Variants in UBE2W observed in about 807,000 individuals in gnomAD.
UBE2W encodes ubiquitin conjugating enzyme E2 W, also known as ubiquitin-conjugating enzyme E2 W.
Under a neutral mutation model 27.2 loss-of-function variants are expected in UBE2W, and 18 were observed. That is an observed-to-expected ratio of 0.66 (90% CI 0.46 to 0.98). UBE2W has a LOEUF of 0.98. UBE2W is among the 50% of genes least tolerant of loss of function. The probability of loss-of-function intolerance (pLI) is 0.00; values close to 1 mark genes in which losing one functional copy is unlikely to be tolerated. For synonymous variants in UBE2W, 53 were observed against 57.2 expected (o/e 0.93, Z 0.33); for missense variants, 90 against 180.2 (o/e 0.50, Z 2.87).
chr8:73,801,502 T>C (rs1808642657), intron 5 of UBE2W, among the ~76,000 whole-genome samples: 1 of 152,224 alleles, frequency 6.6e-6, no homozygotes, highest in African/African-American at 2.4e-5. Context: ...AAAAGAAGAA[T>C]CTTTCAATTA....
intron 4 of UBE2W, among the ~76,000 whole-genome samples, chr8:73,809,433 C>T (rs1353994771): frequency 6.6e-6 from 1 of 151,982 alleles, no homozygotes; most frequent in Non-Finnish European, 1.5e-5. Context: ...GGAAAACCCT[C>T]ATAGGGATTT....
intron 3 of UBE2W, among the ~76,000 whole-genome samples, chr8:73,811,358 CTAA>C (rs1343812072): frequency 6.6e-6 from 1 of 152,048 alleles, no homozygotes; most frequent in Non-Finnish European, 1.5e-5. Flanking sequence ...TTCCTTTGCT[CTAA>C]TAATTCAACA....
At chr8:73,870,369 G>C in intron 1 of UBE2W, 1 of 1,442,744 alleles carries the variant, frequency 6.9e-7, no homozygotes, top group Non-Finnish European at 9.4e-7. Context: ...TCCATTGATA[G>C]CTAGTGCAGG....
In UBE2W at chr8:73,821,554, T is replaced by TGGG. The variant is rs1458421316; in HGVS notation, c.210+3592_210+3593insCCC. On this transcript the variant is annotated intron_variant, in intron 3 of 5. Coordinates refer to ENST00000602593, the MANE Select transcript of UBE2W (RefSeq NM_018299.6). ...GTGGAGTGGGGTGTGGGAGTGTGTGTGTGGGGGGGGGGGGATGTGTGTGCA... is the reference window on the plus strand; with the variant it reads ...GTGGAGTGGGGTGTGGGAGTGTGTGTGGGGTGGGGGGGGGGGGATGTGTGTGCA... Among the ~76,000 whole-genome samples the TGGG allele has an allele frequency of 2.2e-3, 3 of 1,366 alleles. No individual in the cohort carries two copies. In the East Asian group the frequency reaches 0.071, roughly 33 times the overall value. The allele number at this position is 1,366 out of a possible 152,430, so 0.9% of individuals were successfully genotyped here.
intron 1 of UBE2W, among the ~76,000 whole-genome samples, chr8:73,837,468 G>A (rs545700164): frequency 2.0e-5 from 3 of 152,122 alleles, no homozygotes; most frequent in South Asian, 2.1e-4. Flanking sequence ...AGCCAAGATC[G>A]TGCCACTGCA....
chr8:73,785,290 C>A (rs190446179), downstream of UBE2W, among the ~76,000 whole-genome samples: 73 of 152,100 alleles, frequency 4.8e-4, 1 homozygote, highest in East Asian at 0.014. Context: ...GGATTACAGG[C>A]ATGTGCCACC....
intron 4 of UBE2W, among the ~76,000 whole-genome samples, chr8:73,780,751 T>C (rs1222829452): frequency 6.6e-6 from 1 of 151,846 alleles, no homozygotes; most frequent in East Asian, 2.0e-4. Flanking sequence ...CTCGAACTCC[T>C]GGACTCAAGA....
At chr8:73,821,842 A>C (rs1270695036) in intron 3 of UBE2W, among the ~76,000 whole-genome samples, 3 of 152,104 alleles carry the variant, frequency 2.0e-5, no homozygotes, top group Non-Finnish European at 2.9e-5. Flanking sequence ...CTCTACAAAA[A>C]ATATAAAAAT....
chr8:73,810,548 C>G lies in UBE2W; in HGVS notation c.292G>C (p.Asp98His), dbSNP rs1195606816. The G allele has an allele frequency of 6.2e-7, 1 of 1,613,018 alleles. No homozygotes were observed. Among genetic ancestry groups the G allele is most frequent in the Non-Finnish European group, 8.5e-7 (1 of 1,179,526 alleles). The change falls in exon 4 of 6, where the codon GAC becomes CAC. Residue 98 changes from aspartate to histidine, a missense_variant. Coordinates refer to ENST00000602593, the MANE Select transcript of UBE2W (RefSeq NM_018299.6). ...TGGACTGAGAGCGCTGGGGACCAGT[C>G]TTCTGTTAGAATGGATAAACAGATA... The part of the protein sequence containing the change: ...GHICLSILTE[D>H]WSPALSVQSV...
At chr8:73,827,291 G>A (rs1809883083) in intron 2 of UBE2W, among the ~76,000 whole-genome samples, 1 of 152,002 alleles carries the variant, frequency 6.6e-6, no homozygotes. Flanking sequence ...TCGGCTCACC[G>A]CAACCTCCGC....
At chr8:73,870,821 T>G (rs1319068776) in intron 1 of UBE2W, among the ~76,000 whole-genome samples, 37 of 69,748 alleles carry the variant, frequency 5.3e-4, no homozygotes, top group African/African-American at 7.5e-4. Flanking sequence ...AAGCTATGAG[T>G]GAAAAGAAAA....
chr8:73,861,072 T>C (rs1408754335), intron 1 of UBE2W, among the ~76,000 whole-genome samples: 1 of 152,146 alleles, frequency 6.6e-6, no homozygotes, highest in Non-Finnish European at 1.5e-5. Context: ...TAAGGTACAG[T>C]TGTATCACTG....
In UBE2W at chr8:73,786,790, C is replaced by T; in HGVS notation, c.*7312G>A. ...ATCTCAGAGACATTTTAAAGTTACA[C>T]TCAACAGGACTTGAAAAATGCAAGG... On this transcript the variant is annotated 3_prime_UTR_variant, in exon 6 of 6. Coordinates refer to ENST00000602593, the MANE Select transcript of UBE2W (RefSeq NM_018299.6). The T allele has an allele frequency of 1.0e-6, 1 of 985,388 alleles. No homozygotes were observed. The highest frequency in any genetic ancestry group is 1.2e-6 in the Non-Finnish European group (1 of 829,922). The allele number at this position is 985,388 out of a possible 1,614,324, so 61.0% of individuals were successfully genotyped here.
chr8:73,843,216 T>C (rs577926537), intron 1 of UBE2W, among the ~76,000 whole-genome samples: 12 of 152,260 alleles, frequency 7.9e-5, no homozygotes, highest in African/African-American at 2.9e-4. Flanking sequence ...AAAGGTTGCT[T>C]TTTGGGCATG....
intron 1 of UBE2W, among the ~76,000 whole-genome samples, chr8:73,858,018 T>G (rs1445490796): frequency 6.6e-6 from 1 of 151,198 alleles, no homozygotes; most frequent in African/African-American, 2.4e-5. Flanking sequence ...TGAGGTCAGG[T>G]GATTGAGACT....
chr8:73,783,505 G>A (rs1023848351), downstream of UBE2W, among the ~76,000 whole-genome samples: 8 of 152,044 alleles, frequency 5.3e-5, no homozygotes, highest in Non-Finnish European at 1.0e-4. Flanking sequence ...TCAATTGACC[G>A]TATTTCTGGA....
rs148375963 is a variant in UBE2W at position 73,801,551 on chromosome 8, G to C, written c.442+4100C>G. 1.6e-4 allele frequency among the ~76,000 whole-genome samples: 24 copies of C among 152,258 alleles called. No individual in the cohort carries two copies. In the East Asian group the frequency reaches 2.9e-3, roughly 18 times the overall value. On this transcript the variant is annotated intron_variant, in intron 5 of 5. Transcript: ENST00000602593. The stretch of plus-strand genomic sequence containing the variant: ...ATCTATCTGAACCAGAATTACTAGA[G>C]TCTTAAAAACACTGACACTTAAAAA...
chr8:73,783,459 T>A (rs1433161655), downstream of UBE2W, among the ~76,000 whole-genome samples: 1 of 152,236 alleles, frequency 6.6e-6, no homozygotes, highest in African/African-American at 2.4e-5. Context: ...GGAGTATTGC[T>A]TCACCCACAA....
chr8:73,821,681 G>C (rs1272281918), intron 3 of UBE2W, among the ~76,000 whole-genome samples: 1 of 151,892 alleles, frequency 6.6e-6, no homozygotes, highest in Non-Finnish European at 1.5e-5. Context: ...AAAGGCTACT[G>C]TAATGGTTCA....
Sources: gnomAD v4.1 joint callset for allele counts (sites outside exome capture counted in the v4.1 genomes callset) on GRCh38, gnomAD v4.1.1 for gene constraint, MANE v1.5 for transcripts, NCBI Gene and HGNC (gene_info 2026-07-23, HGNC 2026-07-21) for gene names.